Variants in ARHGEF10 observed in about 807,000 individuals in gnomAD.
The protein encoded by ARHGEF10 is Rho guanine nucleotide exchange factor (GEF) 10.
Under a neutral mutation model 147.4 loss-of-function variants are expected in ARHGEF10, and 140 were observed. The ratio of observed to expected loss-of-function variants is 0.95; its 90% CI spans 0.83 to 1.09. ARHGEF10 has a LOEUF of 1.09. Ranked by LOEUF, ARHGEF10 falls within the 50% of genes least tolerant of loss-of-function variation. ARHGEF10 has a pLI of 0.00. For synonymous variants in ARHGEF10, 902 were observed against 695.8 expected, an observed-to-expected ratio of 1.30 and a Z score of -4.67; for missense variants, 2,222 against 1,752.7, an observed-to-expected ratio of 1.27 and a Z score of -4.78.
rs141218714 is a variant in ARHGEF10 at position 1,911,745 on chromosome 8, G to A, written c.2143+2275G>A. Among the ~76,000 whole-genome samples the A allele has an allele frequency of 3.2e-3, 491 of 152,238 alleles. 1 individual carries two copies. The highest frequency in any genetic ancestry group is 0.011 in the African/African-American group (451 of 41,556). ...ATCCCATGAGTGCCACGCTGCAGCC[G>A]GTGAATGACGTCCCTTCACTCTGCT... On this transcript the variant is annotated intron_variant, in intron 18 of 28. Transcript: ENST00000349830.
intron 1 of ARHGEF10, among the ~76,000 whole-genome samples, chr8:1,834,155 C>A (rs765419719): frequency 1.3e-5 from 2 of 152,326 alleles, no homozygotes; most frequent in East Asian, 3.9e-4. Flanking sequence ...CTGTGGTGGC[C>A]GGTCCGGGGC....
At position 1,929,339 on chromosome 8, in the gene ARHGEF10, T is replaced by G; in HGVS notation, c.2975T>G (p.Phe992Cys). Residue 992 changes from phenylalanine (F) to cysteine (C), a missense_variant, in exon 25 of 29, where the codon TTT becomes TGT. Transcript: ENST00000349830. ...QGSKKVRLQHFFTPEKSTVMS... is the reference protein window; with the variant it reads ...QGSKKVRLQHCFTPEKSTVMS... ...TCCAAGAAAGTGAGACTTCAGCACT[T>G]TTTCACTCCTGAGAAGTCCACAGTC... 1.2e-6 allele frequency: 2 copies of G among 1,614,036 alleles called. No individual in the cohort carries two copies. The highest frequency in any genetic ancestry group is 4.5e-5 in the East Asian group (2 of 44,882).
At position 1,936,957 on chromosome 8, in the gene ARHGEF10, G is replaced by A. The variant is rs149797406; in HGVS notation, c.3222+3015G>A. Among the ~76,000 whole-genome samples, 338 of 152,246 alleles carry A rather than the reference G, an allele frequency of 2.2e-3. 2 individuals are homozygous for A. The highest frequency in any genetic ancestry group is 6.8e-3 in the Middle Eastern group (2 of 294). ...GACGTGGGTTTGGTTAGGAATGCGA[G>A]GTCCACACTGGGGCAAGGTGCAGAT... On this transcript the variant is annotated intron_variant, in intron 26 of 28. Coordinates refer to ENST00000349830, the MANE Select transcript of ARHGEF10 (RefSeq NM_014629.4).
intron 16 of ARHGEF10, among the ~76,000 whole-genome samples, chr8:1,904,954 C>G (rs1449871043): frequency 6.6e-6 from 1 of 152,124 alleles, no homozygotes; most frequent in Non-Finnish European, 1.5e-5. Context: ...AACCCCGTCT[C>G]TACTAAAAAT....
At chr8:1,833,197 G>A (rs1284425894) in intron 1 of ARHGEF10, among the ~76,000 whole-genome samples, 1 of 141,398 alleles carries the variant, frequency 7.1e-6, no homozygotes, top group Non-Finnish European at 1.6e-5. Flanking sequence ...GACAGAAGCA[G>A]AGACAGAGGC....
intron 1 of ARHGEF10, among the ~76,000 whole-genome samples, chr8:1,841,975 C>T (rs1585233614): frequency 3.1e-5 from 2 of 63,682 alleles, no homozygotes; most frequent in Non-Finnish European, 6.4e-5. Flanking sequence ...GGAACTGGGG[C>T]CGCGGCGGGA....
intron 1 of ARHGEF10, among the ~76,000 whole-genome samples, chr8:1,830,303 G>T (rs1263458793): frequency 3.2e-5 from 2 of 61,698 alleles, no homozygotes; most frequent in Non-Finnish European, 7.2e-5. Flanking sequence ...GGCTGTCCTT[G>T]GTGGGCGCTT....
At chr8:1,882,211 T>G (rs1808259916) in intron 9 of ARHGEF10, among the ~76,000 whole-genome samples, 1 of 152,212 alleles carries the variant, frequency 6.6e-6, no homozygotes, top group Non-Finnish European at 1.5e-5. Context: ...TGTCAACAGC[T>G]GGCCATGCCC....
chr8:1,868,152 TA>T (rs1300665157), intron 6 of ARHGEF10, among the ~76,000 whole-genome samples: 1 of 152,230 alleles, frequency 6.6e-6, no homozygotes, highest in Non-Finnish European at 1.5e-5. Context: ...TTGCAGATAG[TA>T]AATGCTATTA....
Position 1,928,585 on chromosome 8 carries a change from C to T in ARHGEF10, c.2856C>T (p.Asp952=), listed in dbSNP as rs747711464. 3.7e-6 allele frequency: 6 copies of T among 1,614,246 alleles called. No individual in the cohort carries two copies. The highest frequency in any genetic ancestry group is 1.1e-5 in the South Asian group (1 of 91,090). Residue 952 remains aspartate (D), a synonymous_variant, in exon 24 of 29, where the codon GAC becomes GAT. Coordinates refer to ENST00000349830, the MANE Select transcript of ARHGEF10 (RefSeq NM_014629.4). ...GCAGAGAGCCTGGGGCACCCCCGGA[C>T]CCCGAGACCCCGGCCGTGAGAGCTT... The part of the protein sequence containing the change: ...EKRREPGAPP[D]PETPAVRASD...
chr8:1,832,821 GAGAGAGGCAGAGGC>G (rs1320838826), intron 1 of ARHGEF10, among the ~76,000 whole-genome samples: 48 of 137,710 alleles, frequency 3.5e-4, no homozygotes, highest in East Asian at 4.9e-4. Flanking sequence ...CAGAGGCAGA[GAGAGAGGCAGAGGC>G]AGAGACAGAG....
intron 7 of ARHGEF10, chr8:1,871,023 G>C (rs1236167283): frequency 1.4e-5 from 2 of 145,422 alleles, no homozygotes; most frequent in East Asian, 4.5e-4. Flanking sequence ...TGAGGCAGGA[G>C]AATCACTTGA....
intron 1 of ARHGEF10, among the ~76,000 whole-genome samples, chr8:1,834,940 G>A (rs1803489797): frequency 6.6e-6 from 1 of 152,214 alleles, no homozygotes; most frequent in Admixed American, 6.5e-5. Flanking sequence ...CCCGGGGTCT[G>A]TCCGCGGGGC....
chr8:1,858,086 C>G lies in ARHGEF10; in HGVS notation c.164C>G (p.Ala55Gly). Residue 55 changes from alanine (A) to glycine (G), a missense_variant, in exon 3 of 29, where the codon GCT becomes GGT. Transcript: ENST00000349830. Reference sequence around the variant, plus strand: ...CCATCCGCCCCTGAGACAGGAGGTGCTGGAGCCAGTGAAGCCCCTGCACCC... The same window carrying G: ...CCATCCGCCCCTGAGACAGGAGGTGGTGGAGCCAGTGAAGCCCCTGCACCC... ...QAPSAPETGG[A>G]GASEAPAPTG... The G allele has an allele frequency of 7.4e-6, 12 of 1,614,062 alleles. No individual in the cohort carries two copies. Among genetic ancestry groups the G allele is most frequent in the African/African-American group, 2.7e-5 (2 of 75,044 alleles).
At position 1,899,090 on chromosome 8, in the gene ARHGEF10, C is replaced by G. The variant is rs113935932; in HGVS notation, c.1650+565C>G. On this transcript the variant is annotated intron_variant, in intron 15 of 28. Coordinates refer to ENST00000349830, the MANE Select transcript of ARHGEF10 (RefSeq NM_014629.4). Reference sequence around the variant, plus strand: ...CTCATTTCTCTAAACTAAGGATTCTCAATTGGATACCTGTGGCTGTGAACA... The same window carrying G: ...CTCATTTCTCTAAACTAAGGATTCTGAATTGGATACCTGTGGCTGTGAACA... Among the ~76,000 whole-genome samples the G allele has an allele frequency of 9.3e-3, 1,418 of 152,318 alleles. 15 individuals carry two copies. Among genetic ancestry groups the G allele is most frequent in the East Asian group, 0.03 (156 of 5,182 alleles).
At chr8:1,902,605 C>T (rs1418989581) in intron 15 of ARHGEF10, among the ~76,000 whole-genome samples, 6 of 151,968 alleles carry the variant, frequency 3.9e-5, no homozygotes, top group African/African-American at 1.5e-4. Flanking sequence ...TGCATAGCCC[C>T]CTCCCCCCAC....
Position 1,953,862 on chromosome 8 carries a change from C to T in ARHGEF10, c.3520+1035C>T, listed in dbSNP as rs368581682. ...GGGGGAAATACTAACAGAGAAAACG[C>T]TTTGCAGGAAGCTTGTAGAGCAGAA... On this transcript the variant is annotated intron_variant, in intron 28 of 28. Coordinates refer to ENST00000349830, the MANE Select transcript of ARHGEF10 (RefSeq NM_014629.4). Among the ~76,000 whole-genome samples, 148 of 152,148 alleles carry T rather than the reference C, an allele frequency of 9.7e-4. 1 individual carries two copies. The highest frequency in any genetic ancestry group is 1.9e-3 in the Non-Finnish European group (132 of 68,026).
chr8:1,865,898 C>A (rs1338854403), intron 5 of ARHGEF10, among the ~76,000 whole-genome samples: 1 of 152,214 alleles, frequency 6.6e-6, no homozygotes, highest in Non-Finnish European at 1.5e-5. Context: ...CCTGGTGCAT[C>A]TCATTTGTCA....
chr8:1,841,856 G>GGGAACTGGGGCCGCGACC (rs1804072382), intron 1 of ARHGEF10, among the ~76,000 whole-genome samples: 1 of 109,584 alleles, frequency 9.1e-6, no homozygotes, highest in African/African-American at 3.3e-5. Flanking sequence ...GGGCCGCGGC[G>GGGAACTGGGGCCGCGACC]GGAACTGGGG....
Sources: allele counts gnomAD v4.1 joint callset (sites outside exome capture counted in the v4.1 genomes callset), GRCh38; gene constraint gnomAD v4.1.1; transcripts MANE v1.5; gene names NCBI Gene and HGNC (gene_info 2026-07-23, HGNC 2026-07-21).